OXR1: variants seen among roughly 807,000 people sequenced by gnomAD.
OXR1 encodes the protein oxidation resistance 1, also known as oxidation resistance protein 1.
A neutral mutation model predicts 104.6 loss-of-function variants in OXR1; 41 were observed. That is an observed-to-expected ratio of 0.39 (90% confidence interval 0.31 to 0.51). OXR1 has a LOEUF of 0.51. Among genes scored for constraint, OXR1 ranks in the 20% least tolerant of loss-of-function variants. The pLI is 0.77. For synonymous variants in OXR1, 348 were observed against 348.4 expected (o/e 1.00, Z 0.01); for missense variants, 955 against 1,031.9 (o/e 0.93, Z 1.02).
intron 2 of OXR1, among the ~76,000 whole-genome samples, chr8:106,389,724 T>G (rs1284012559): frequency 6.6e-6 from 1 of 152,092 alleles, no homozygotes; most frequent in African/African-American, 2.4e-5. Context: ...AAAGACAAAT[T>G]TTTGGGGGTA....
intron 3 of OXR1, among the ~76,000 whole-genome samples, chr8:106,529,113 G>A (rs967705511): frequency 1.3e-5 from 2 of 152,058 alleles, no homozygotes; most frequent in African/African-American, 2.4e-5. Context: ...TTTGAAGAGT[G>A]GTTCAAAGTT....
chr8:106,502,665 A>G (rs1811888495), intron 2 of OXR1, among the ~76,000 whole-genome samples: 2 of 152,208 alleles, frequency 1.3e-5, no homozygotes, highest in Non-Finnish European at 2.9e-5. Flanking sequence ...CATGTTGGCA[A>G]TAGGTAGAAG....
At chr8:106,640,234 A>G in intron 3 of OXR1, among the ~76,000 whole-genome samples, 1 of 151,992 alleles carries the variant, frequency 6.6e-6, no homozygotes, top group East Asian at 1.9e-4. Flanking sequence ...AAGACCTACT[A>G]TATCATACAA....
chr8:106,596,622 G>T (rs1459585754), intron 3 of OXR1, among the ~76,000 whole-genome samples: 1 of 152,290 alleles, frequency 6.6e-6, no homozygotes, highest in East Asian at 1.9e-4. Flanking sequence ...TTTTAGAGAG[G>T]TCAGAGTGGG....
intron 3 of OXR1, among the ~76,000 whole-genome samples, chr8:106,536,050 C>T (rs6990467): frequency 0.023 from 3,537 of 152,054 alleles, 139 homozygotes; most frequent in African/African-American, 0.082. Flanking sequence ...GAAACCCCAT[C>T]TCTACTAAAA....
At chr8:106,722,397 TAATA>T (rs1832893719) in intron 11 of OXR1, among the ~76,000 whole-genome samples, 1 of 152,178 alleles carries the variant, frequency 6.6e-6, no homozygotes, top group South Asian at 2.1e-4. Context: ...AGAAGAAATT[TAATA>T]AATCTAAAAA....
intron 3 of OXR1, among the ~76,000 whole-genome samples, chr8:106,536,344 A>G (rs1266582283): frequency 1.3e-5 from 2 of 152,212 alleles, no homozygotes; most frequent in Non-Finnish European, 2.9e-5. Flanking sequence ...TGTGCTCTGT[A>G]TGGTTCCCAC....
At chr8:106,330,814 G>T (rs1192977403) in intron 1 of OXR1, among the ~76,000 whole-genome samples, 2 of 152,124 alleles carry the variant, frequency 1.3e-5, no homozygotes, top group African/African-American at 4.8e-5. Context: ...TTCAACCAGG[G>T]TGATTTGTCC....
intron 2 of OXR1, among the ~76,000 whole-genome samples, chr8:106,455,613 CA>C (rs1820557433): frequency 6.6e-6 from 1 of 152,094 alleles, no homozygotes; most frequent in African/African-American, 2.4e-5. Flanking sequence ...GAGTTGCCAA[CA>C]AAGGAACAGG....
chr8:106,288,687 A>G (rs1341230828), intron 1 of OXR1, among the ~76,000 whole-genome samples: 1 of 146,102 alleles, frequency 6.8e-6, no homozygotes, highest in Non-Finnish European at 1.5e-5. Flanking sequence ...TGTATTAAAT[A>G]TACAAATTTA....
chr8:106,336,342 G>T (rs1232442058), intron 1 of OXR1, among the ~76,000 whole-genome samples: 2 of 152,264 alleles, frequency 1.3e-5, no homozygotes, highest in South Asian at 2.1e-4. Flanking sequence ...AAATTATATT[G>T]TAGAGATTCA....
At chr8:106,331,702 G>A (rs1175065140) in intron 1 of OXR1, among the ~76,000 whole-genome samples, 2 of 152,072 alleles carry the variant, frequency 1.3e-5, no homozygotes, top group African/African-American at 2.4e-5. Context: ...CCCTTTGGGA[G>A]GCCAACGTGG....
intron 3 of OXR1, among the ~76,000 whole-genome samples, chr8:106,551,860 ATGTGTGTGTGTGTGTGTGTGTG>A (rs71307068): frequency 7.9e-6 from 1 of 126,576 alleles, no homozygotes. Context: ...GTGTATATAT[ATGTGTGTGTGTGTGTGTGTGTG>A]TGTGTGTGTG....
chr8:106,691,349 A>C (rs1171991212), intron 6 of OXR1, among the ~76,000 whole-genome samples: 1 of 151,962 alleles, frequency 6.6e-6, no homozygotes, highest in Non-Finnish European at 1.5e-5. Context: ...AGAGATACTA[A>C]TACTTTGAAT....
chr8:106,577,862 T>C (rs1817968165), intron 3 of OXR1, among the ~76,000 whole-genome samples: 2 of 152,154 alleles, frequency 1.3e-5, no homozygotes, highest in Admixed American at 1.3e-4. Flanking sequence ...GTAGTTCCTG[T>C]ATCTCCTCTC....
intron 3 of OXR1, among the ~76,000 whole-genome samples, chr8:106,657,241 G>T (rs1009440690): frequency 3.3e-5 from 5 of 151,606 alleles, no homozygotes; most frequent in African/African-American, 1.2e-4. Context: ...ATGGCACAAC[G>T]AACTTAAAAT....
intron 3 of OXR1, among the ~76,000 whole-genome samples, chr8:106,535,709 C>T (rs978806559): frequency 6.6e-6 from 1 of 152,112 alleles, no homozygotes; most frequent in East Asian, 1.9e-4. Flanking sequence ...TATTAACTAC[C>T]TCATATAATA....
intron 3 of OXR1, among the ~76,000 whole-genome samples, chr8:106,599,026 G>A (rs1370198146): frequency 2.0e-5 from 3 of 152,176 alleles, no homozygotes; most frequent in Middle Eastern, 3.4e-3. Flanking sequence ...TTTTATTTTG[G>A]AGAAAATTAT....
chr8:106,580,237 A>T (rs1391886021), intron 3 of OXR1, among the ~76,000 whole-genome samples: 1 of 152,170 alleles, frequency 6.6e-6, no homozygotes, highest in Non-Finnish European at 1.5e-5. Flanking sequence ...ATACCCATTA[A>T]ATCACAACTC....
Sources: allele counts gnomAD v4.1 joint callset (sites outside exome capture counted in the v4.1 genomes callset), GRCh38; gene constraint gnomAD v4.1.1; transcripts MANE v1.5; gene names NCBI Gene and HGNC (gene_info 2026-07-23, HGNC 2026-07-21).